The following RALYL variants were observed in gnomAD, a reference collection of about 807,000 sequenced individuals.
RALYL encodes RNA-binding Raly-like protein.
A neutral mutation model predicts 35.1 loss-of-function variants in RALYL; 29 were observed. The observed-to-expected ratio is 0.83, with a 90% CI of 0.61 to 1.13. RALYL has a LOEUF of 1.13. RALYL is among the 50% of genes most tolerant of loss of function. The pLI, the probability that RALYL is intolerant of heterozygous loss-of-function variation, is 0.00. For synonymous variants in RALYL, 120 were observed against 127.6 expected (o/e 0.94, Z 0.40); for missense variants, 359 against 360.4 (o/e 1.00, Z 0.03).
intron 1 of RALYL, among the ~76,000 whole-genome samples, chr8:84,493,174 T>A (rs1035293276): frequency 3.9e-5 from 6 of 152,118 alleles, no homozygotes; most frequent in African/African-American, 1.4e-4. Context: ...GGTGTTTGGT[T>A]TTCTGTACCC....
intron 4 of RALYL, among the ~76,000 whole-genome samples, chr8:84,833,390 C>T (rs59957562): frequency 6.6e-6 from 1 of 151,970 alleles, no homozygotes; most frequent in Non-Finnish European, 1.5e-5. Context: ...GTAATCCCAG[C>T]ACTTTGAGAG....
At chr8:84,633,078 A>G (rs925447270) in intron 2 of RALYL, among the ~76,000 whole-genome samples, 1 of 150,976 alleles carries the variant, frequency 6.6e-6, no homozygotes, top group African/African-American at 2.4e-5. Context: ...ATACAGATTT[A>G]CCATAAACTA....
intron 4 of RALYL, among the ~76,000 whole-genome samples, chr8:84,844,869 CA>C (rs768130784): frequency 6.6e-6 from 1 of 150,390 alleles, no homozygotes; most frequent in Admixed American, 6.7e-5. Flanking sequence ...ATGGCAAGGA[CA>C]AAAAACCAAA....
rs1019332600 is a variant in RALYL at position 84,415,538 on chromosome 8, G to A, written c.-23-113761G>A. Among the ~76,000 whole-genome samples, 3 of 108,530 alleles carry A rather than the reference G, an allele frequency of 2.8e-5. No individual in the cohort carries two copies. The South Asian group carries it at 1.1e-3, about 38-fold the overall frequency. The allele number at this position is 108,530 out of a possible 152,430, so 71.2% of individuals were successfully genotyped here. A position where few individuals can be genotyped will look rare whatever the true frequency, so the allele number is the denominator to read the frequency against. ...CAGGCGTGAGCCACCGCGCCCGGCCGACACTCTTGTTCATCCAGAAATCTG... is the reference window on the plus strand; with the variant it reads ...CAGGCGTGAGCCACCGCGCCCGGCCAACACTCTTGTTCATCCAGAAATCTG... On this transcript the variant is annotated intron_variant, in intron 1 of 8. Transcript: ENST00000521268.
chr8:84,337,252 G>A (rs983215798), intron 1 of RALYL, among the ~76,000 whole-genome samples: 4 of 151,520 alleles, frequency 2.6e-5, no homozygotes, highest in African/African-American at 7.3e-5. Context: ...TTCTGATGAT[G>A]TCTCACATTG....
intron 4 of RALYL, among the ~76,000 whole-genome samples, chr8:84,834,069 C>T (rs1198094212): frequency 6.6e-6 from 1 of 152,118 alleles, no homozygotes; most frequent in Non-Finnish European, 1.5e-5. Context: ...CATTTTAATT[C>T]AGTATGTTAA....
intron 2 of RALYL, among the ~76,000 whole-genome samples, chr8:84,629,741 C>T (rs142407627): frequency 1.3e-5 from 2 of 152,004 alleles, no homozygotes; most frequent in African/African-American, 4.8e-5. Flanking sequence ...AGGTTATGCA[C>T]TACAATACTG....
At chr8:84,329,574 GT>G (rs1846435512) in intron 1 of RALYL, among the ~76,000 whole-genome samples, 1 of 151,948 alleles carries the variant, frequency 6.6e-6, no homozygotes, top group Non-Finnish European at 1.5e-5. Flanking sequence ...TCTATTGATA[GT>G]TTCTTTTGCT....
At chr8:84,439,824 G>C (rs2132925478) in intron 1 of RALYL, among the ~76,000 whole-genome samples, 1 of 152,112 alleles carries the variant, frequency 6.6e-6, no homozygotes, top group South Asian at 2.1e-4. Context: ...TTAATACTTA[G>C]ATTTCTTTAT....
chr8:84,843,917 G>T (rs528703340), intron 4 of RALYL, among the ~76,000 whole-genome samples: 12 of 152,334 alleles, frequency 7.9e-5, no homozygotes, highest in African/African-American at 2.9e-4. Context: ...CTAGCCATAT[G>T]TAGAAAGCTG....
chr8:84,721,572 C>T (rs912967343), intron 2 of RALYL, among the ~76,000 whole-genome samples: 16 of 152,182 alleles, frequency 1.1e-4, no homozygotes, highest in African/African-American at 3.9e-4. Flanking sequence ...GTTGTCTCTG[C>T]TGCTAAGTGT....
chr8:84,706,058 G>A, intron 2 of RALYL: 2 of 1,534,948 alleles, frequency 1.3e-6, no homozygotes, highest in Non-Finnish European at 1.7e-6. Flanking sequence ...AGACATCAGA[G>A]ATGTAAGTAA....
At position 84,523,172 on chromosome 8, in the gene RALYL, G is replaced by A. The variant is rs929942031; in HGVS notation, c.-23-6127G>A. Reference sequence around the variant, plus strand: ...TAAAGGAAAGGGGTTTAATGGACTCGCAGTTCCACATGGCTGGGGAGGCCT... The same window carrying A: ...TAAAGGAAAGGGGTTTAATGGACTCACAGTTCCACATGGCTGGGGAGGCCT... On this transcript the variant is annotated intron_variant, in intron 1 of 8. Transcript: ENST00000521268. Among the ~76,000 whole-genome samples, 4 of 152,080 alleles carry A rather than the reference G, an allele frequency of 2.6e-5. No individual in the cohort carries two copies. The East Asian group carries it at 5.8e-4, about 22-fold the overall frequency.
intron 8 of RALYL, among the ~76,000 whole-genome samples, chr8:84,911,495 T>A (rs1402634939): frequency 6.6e-6 from 1 of 152,132 alleles, no homozygotes; most frequent in Non-Finnish European, 1.5e-5. Flanking sequence ...TCTATTGTAT[T>A]CTCACAACAC....
intron 1 of RALYL, among the ~76,000 whole-genome samples, chr8:84,408,915 A>G (rs1451942678): frequency 6.6e-6 from 1 of 152,194 alleles, no homozygotes; most frequent in African/African-American, 2.4e-5. Flanking sequence ...TAAGAAAAAA[A>G]AAGAAACTGT....
At chr8:84,784,076 T>C (rs1053778794) in intron 3 of RALYL, among the ~76,000 whole-genome samples, 3 of 152,212 alleles carry the variant, frequency 2.0e-5, no homozygotes, top group African/African-American at 7.2e-5. Context: ...CTACTGAAGA[T>C]TGATGGAAAG....
chr8:84,534,278 C>T lies in RALYL; in HGVS notation c.256+4701C>T, dbSNP rs557823300. Among the ~76,000 whole-genome samples, 3 of 152,360 alleles carry T rather than the reference C, an allele frequency of 2.0e-5. No homozygotes were observed. In the South Asian group the frequency reaches 6.2e-4, roughly 32 times the overall value. Reference sequence around the variant, plus strand: ...TTCCCTATGAAGCTCTGCACCACCTCACCCTACTTCCCCACTTAATCCCTT... The same window carrying T: ...TTCCCTATGAAGCTCTGCACCACCTTACCCTACTTCCCCACTTAATCCCTT... On this transcript the variant is annotated intron_variant, in intron 2 of 8. Transcript: ENST00000521268.
intron 2 of RALYL, among the ~76,000 whole-genome samples, chr8:84,583,024 AAGAT>A (rs1313515168): frequency 2.0e-5 from 3 of 152,140 alleles, no homozygotes; most frequent in African/African-American, 7.2e-5. Flanking sequence ...TCTATACACT[AAGAT>A]AGAGCTGCCT....
chr8:84,472,214 G>T (rs1037392412), intron 1 of RALYL, among the ~76,000 whole-genome samples: 1 of 151,842 alleles, frequency 6.6e-6, no homozygotes, highest in Admixed American at 6.6e-5. Context: ...TCATTATTCA[G>T]AACTTCCTGT....
Sources: gnomAD v4.1 joint callset for allele counts (sites outside exome capture counted in the v4.1 genomes callset) on GRCh38, gnomAD v4.1.1 for gene constraint, MANE v1.5 for transcripts, NCBI Gene and HGNC (gene_info 2026-07-23, HGNC 2026-07-21) for gene names.